Variants in EXOSC7 observed in about 807,000 individuals in gnomAD.
EXOSC7 encodes the protein exosome complex component RRP42.
In EXOSC7, 25 loss-of-function variants were observed where a neutral mutation model predicts 34.3. The ratio of observed to expected loss-of-function variants is 0.73; its 90% CI spans 0.53 to 1.02. EXOSC7 has a LOEUF of 1.02. EXOSC7 is among the 50% of genes least tolerant of loss of function. EXOSC7 has a pLI of 0.00. For synonymous variants in EXOSC7, 130 were observed against 143.0 expected (o/e 0.91, Z 0.65); for missense variants, 370 against 368.5 (o/e 1.00, Z -0.03).
chr3:45,006,068 C>CTTTTTTTTT (rs34869939), intron 6 of EXOSC7, among the ~76,000 whole-genome samples: 1 of 47,298 alleles, frequency 2.1e-5, no homozygotes, highest in African/African-American at 8.4e-5. Flanking sequence ...TGGGTCTTGG[C>CTTTTTTTTT]TTTTTTTTTT....
chr3:44,981,765 G>C (rs1303657298), intron 1 of EXOSC7, among the ~76,000 whole-genome samples: 6 of 152,086 alleles, frequency 3.9e-5, no homozygotes, highest in Admixed American at 3.9e-4. Context: ...AAAAAATTAG[G>C]TGTGTGGTGG....
intron 7 of EXOSC7, among the ~76,000 whole-genome samples, chr3:45,010,852 G>A (rs752306299): frequency 9.2e-5 from 14 of 152,012 alleles, no homozygotes; most frequent in Non-Finnish European, 1.6e-4. Flanking sequence ...ATTCCCTGTG[G>A]TCTCCCTATA....
At chr3:44,996,972 C>T (rs944271477) in intron 3 of EXOSC7, 115 bp from the exon 4 acceptor site, 1 of 1,052,952 alleles carries the variant, frequency 9.5e-7, no homozygotes, top group African/African-American at 1.6e-5. Context: ...CAGTGACTTT[C>T]TGTCGAGCAG....
intron 1 of EXOSC7, among the ~76,000 whole-genome samples, chr3:44,982,861 T>C (rs1041873194): frequency 1.4e-4 from 21 of 152,128 alleles, no homozygotes. Context: ...CTCAACAGGG[T>C]TGGAAAGTCA....
At chr3:44,981,443 AAC>A (rs1706266574) in intron 1 of EXOSC7, among the ~76,000 whole-genome samples, 1 of 152,184 alleles carries the variant, frequency 6.6e-6, no homozygotes, top group Non-Finnish European at 1.5e-5. Flanking sequence ...GGCTGTGGTT[AAC>A]ACAGAAAAAA....
intron 1 of EXOSC7, among the ~76,000 whole-genome samples, chr3:44,987,778 A>G (rs1393151618): frequency 6.6e-6 from 1 of 152,232 alleles, no homozygotes; most frequent in Non-Finnish European, 1.5e-5. Flanking sequence ...AACTGTGTAT[A>G]CTAAGATTGA....
chr3:44,983,592 A>G (rs529580243), intron 1 of EXOSC7, among the ~76,000 whole-genome samples: 1 of 152,172 alleles, frequency 6.6e-6, no homozygotes, highest in African/African-American at 2.4e-5. Flanking sequence ...AGTCACCAAG[A>G]GCTTTCCTGG....
At position 44,978,714 on chromosome 3, in the gene EXOSC7, C is replaced by G. The variant is rs115617026; in HGVS notation, c.57+2380C>G. Among the ~76,000 whole-genome samples the G allele has an allele frequency of 9.7e-3, 1,481 of 152,232 alleles. 21 individuals carry two copies. Among genetic ancestry groups the G allele is most frequent in the African/African-American group, 0.033 (1,351 of 41,534 alleles). ...AAGGGGTGGTGAGTCTGTAAATCCT[C>G]AGGTGGAGGACATGTGGAGCCCAAG... On this transcript the variant is annotated intron_variant, in intron 1 of 7. Transcript: ENST00000265564.
Position 44,997,131 on chromosome 3 carries a change from A to G in EXOSC7, c.299A>G (p.Asp100Gly). ...TPEFEGRGGD[D>G]LGTEIANTLY... ...GAATTTGAAGGTAGAGGAGGTGATG[A>G]CCTTGGCACCGAGATCGCTAACACC... The change falls in exon 4 of 8, where the codon GAC (aspartate) becomes GGC (glycine). Residue 100 changes from aspartate to glycine, a missense_variant. Coordinates refer to ENST00000265564, the MANE Select transcript of EXOSC7 (RefSeq NM_015004.4). The G allele has an allele frequency of 6.2e-7, 1 of 1,613,978 alleles. No individual in the cohort carries two copies. The highest frequency in any genetic ancestry group is 1.3e-5 in the African/African-American group (1 of 74,966).
chr3:44,997,166 A>T lies in EXOSC7; in HGVS notation c.334A>T (p.Ile112Leu). The T allele has an allele frequency of 6.2e-7, 1 of 1,613,834 alleles. No homozygotes were observed. Among genetic ancestry groups the T allele is most frequent in the East Asian group, 2.2e-5 (1 of 44,866 alleles). ...CGAGATCGCTAACACCCTCTATCGG[A>T]TATTTAACAATAAAAGCAGTGTCGA... The part of the protein sequence containing the change: ...GTEIANTLYR[I>L]FNNKSSVDLK... Residue 112 changes from isoleucine (I) to leucine (L), a missense_variant, in exon 4 of 8, where the codon ATA (isoleucine) becomes TTA (leucine). Ile to Leu is a conservative substitution (Grantham distance 5). Transcript: ENST00000265564.
chr3:44,994,906 T>TGTGTGTGTGTGTG (rs1706679036), intron 3 of EXOSC7, among the ~76,000 whole-genome samples: 1 of 143,612 alleles, frequency 7.0e-6, no homozygotes, highest in African/African-American at 2.6e-5. Context: ...TGTGTGTGTG[T>TGTGTGTGTGTGTG]TTTAAGCCAT....
At chr3:44,999,553 GT>G (rs1706818923) in intron 4 of EXOSC7, among the ~76,000 whole-genome samples, 1 of 152,136 alleles carries the variant, frequency 6.6e-6, no homozygotes, top group African/African-American at 2.4e-5. Context: ...GCTGGGCATG[GT>G]GGTGCCCACC....
At chr3:44,993,619 T>C (rs1366535371) in intron 3 of EXOSC7, among the ~76,000 whole-genome samples, 2 of 152,090 alleles carry the variant, frequency 1.3e-5, no homozygotes, top group Non-Finnish European at 2.9e-5. Flanking sequence ...AGGATCTTAA[T>C]TAGTTTATCC....
At chr3:44,996,058 A>G (rs1187343725) in intron 3 of EXOSC7, among the ~76,000 whole-genome samples, 12 of 151,856 alleles carry the variant, frequency 7.9e-5, no homozygotes, top group Non-Finnish European at 1.5e-5. Context: ...CCCCTACCTC[A>G]CTGGAACTGC....
chr3:45,000,833 G>A (rs1706853901), intron 4 of EXOSC7, among the ~76,000 whole-genome samples: 2 of 152,120 alleles, frequency 1.3e-5, no homozygotes, highest in African/African-American at 4.8e-5. Context: ...GCTATCTGGG[G>A]CAAAATAAAG....
chr3:45,006,407 T>G (rs1214637684), intron 6 of EXOSC7, among the ~76,000 whole-genome samples: 2 of 79,802 alleles, frequency 2.5e-5, no homozygotes, highest in African/African-American at 7.8e-5. Flanking sequence ...TTTATTTGTT[T>G]TTTTTTTTTT....
intron 7 of EXOSC7, among the ~76,000 whole-genome samples, chr3:45,007,788 C>T (rs1707095834): frequency 6.6e-6 from 1 of 152,178 alleles, no homozygotes; most frequent in South Asian, 2.1e-4. Context: ...AGGAGCCTAC[C>T]AGTAACCATT....
At chr3:45,009,750 G>C (rs1349290873) in intron 7 of EXOSC7, among the ~76,000 whole-genome samples, 1 of 152,072 alleles carries the variant, frequency 6.6e-6, no homozygotes, top group Non-Finnish European at 1.5e-5. Context: ...GTTTCAGTAT[G>C]TTTGCCAGGC....
chr3:44,994,170 C>G (rs1163540778), intron 3 of EXOSC7, among the ~76,000 whole-genome samples: 1 of 151,578 alleles, frequency 6.6e-6, no homozygotes, highest in Non-Finnish European at 1.5e-5. Context: ...TCCATACCTC[C>G]TAGGGTTGTT....
Sources: gnomAD v4.1 joint callset for allele counts (sites outside exome capture counted in the v4.1 genomes callset) on GRCh38, gnomAD v4.1.1 for gene constraint, MANE v1.5 for transcripts, NCBI Gene and HGNC (gene_info 2026-07-23, HGNC 2026-07-21) for gene names.